CLMP: variants seen among roughly 807,000 people sequenced by gnomAD.
The protein encoded by CLMP is CXADR like cell adhesion molecule.
CLMP carries 27 observed loss-of-function variants against 45.2 expected under a neutral mutation model. The ratio of observed to expected loss-of-function variants is 0.60; its 90% confidence interval spans 0.44 to 0.82. The LOEUF is 0.82. Ranked by LOEUF, CLMP falls within the 40% of genes least tolerant of loss-of-function variation. The pLI is 0.00. For synonymous variants in CLMP, 167 were observed against 171.4 expected (o/e 0.97, Z 0.20); for missense variants, 403 against 448.4 (o/e 0.90, Z 0.91).
intron 1 of CLMP, among the ~76,000 whole-genome samples, chr11:123,180,750 C>T (rs1861757936): frequency 1.3e-5 from 2 of 152,030 alleles, no homozygotes; most frequent in Non-Finnish European, 2.9e-5. Context: ...TGCACTGAAA[C>T]CTGAAAGGCA....
intron 1 of CLMP, among the ~76,000 whole-genome samples, chr11:123,162,541 G>A (rs1861499306): frequency 6.6e-6 from 1 of 152,294 alleles, no homozygotes; most frequent in African/African-American, 2.4e-5. Flanking sequence ...GACACCGTCA[G>A]AGGTGCTATG....
chr11:123,192,182 G>A (rs887440389), intron 1 of CLMP, among the ~76,000 whole-genome samples: 3 of 152,280 alleles, frequency 2.0e-5, no homozygotes, highest in Admixed American at 1.3e-4. Context: ...GTTCCCTACC[G>A]AGTATCTGGG....
intron 2 of CLMP, among the ~76,000 whole-genome samples, chr11:123,089,188 G>T (rs1022415338): frequency 6.6e-6 from 1 of 150,724 alleles, no homozygotes; most frequent in Admixed American, 6.6e-5. Context: ...AGTTCCAGAC[G>T]AGCTTGGCCA....
intron 2 of CLMP, among the ~76,000 whole-genome samples, chr11:123,095,570 A>T (rs748777087): frequency 1.3e-5 from 2 of 152,146 alleles, no homozygotes; most frequent in Non-Finnish European, 2.9e-5. Context: ...GCACCTGGCC[A>T]AAACTTGTTA....
chr11:123,101,649 A>G (rs754730576), intron 1 of CLMP, among the ~76,000 whole-genome samples: 6 of 152,352 alleles, frequency 3.9e-5, no homozygotes, highest in African/African-American at 9.6e-5. Flanking sequence ...TGGGAAAATT[A>G]TAACAGTAAG....
intron 2 of CLMP, among the ~76,000 whole-genome samples, chr11:123,089,663 G>C (rs1865904371): frequency 6.6e-6 from 1 of 151,630 alleles, no homozygotes; most frequent in Middle Eastern, 3.2e-3. Context: ...CGTAGTTCCA[G>C]CTACTCGGGA....
At chr11:123,117,786 A>G (rs1307773980) in intron 1 of CLMP, among the ~76,000 whole-genome samples, 1 of 152,232 alleles carries the variant, frequency 6.6e-6, no homozygotes, top group African/African-American at 2.4e-5. Flanking sequence ...CACCCTGATA[A>G]TAAATTTTCC....
intron 1 of CLMP, among the ~76,000 whole-genome samples, chr11:123,100,957 G>C: frequency 6.6e-6 from 1 of 151,642 alleles, no homozygotes; most frequent in East Asian, 1.9e-4. Context: ...GCCTGCCCCC[G>C]ACCTCTCTGT....
At chr11:123,180,578 C>T (rs1184550570) in intron 1 of CLMP, among the ~76,000 whole-genome samples, 1 of 134,546 alleles carries the variant, frequency 7.4e-6, no homozygotes, top group Non-Finnish European at 1.6e-5. Context: ...CCTGAACAGA[C>T]AAAAACAGAA....
intron 2 of CLMP, among the ~76,000 whole-genome samples, chr11:123,088,855 C>T (rs1389891227): frequency 6.6e-6 from 1 of 152,088 alleles, no homozygotes; most frequent in African/African-American, 2.4e-5. Flanking sequence ...AACTCCTGAC[C>T]TCAGGTGATC....
intron 1 of CLMP, among the ~76,000 whole-genome samples, chr11:123,167,649 C>T (rs1473636835): frequency 6.6e-6 from 1 of 152,172 alleles, no homozygotes; most frequent in African/African-American, 2.4e-5. Flanking sequence ...CTGCAGCCTC[C>T]GTTCCATGCT....
intron 1 of CLMP, among the ~76,000 whole-genome samples, chr11:123,130,042 ACT>A (rs1398556668): frequency 6.6e-5 from 10 of 152,128 alleles, no homozygotes; most frequent in Admixed American, 3.3e-4. Flanking sequence ...CACAGAGAAG[ACT>A]CTGCCCACAC....
At chr11:123,129,353 C>A (rs1411734811) in intron 1 of CLMP, among the ~76,000 whole-genome samples, 1 of 122,822 alleles carries the variant, frequency 8.1e-6, no homozygotes, top group African/African-American at 3.2e-5. Context: ...TAAAATATAT[C>A]ATATGATATA....
At chr11:123,125,580 C>G (rs1860881341) in intron 1 of CLMP, among the ~76,000 whole-genome samples, 1 of 134,398 alleles carries the variant, frequency 7.4e-6, no homozygotes, top group South Asian at 2.5e-4. Flanking sequence ...TCCCTCCCTC[C>G]CTCCTTTCTT....
At chr11:123,087,103 C>T (rs1450408276) in intron 2 of CLMP, among the ~76,000 whole-genome samples, 1 of 152,000 alleles carries the variant, frequency 6.6e-6, no homozygotes, top group Admixed American at 6.6e-5. Context: ...TTTGGGAGGC[C>T]GAGGTGGGCA....
rs537453872 is a variant in CLMP at position 123,073,466 on chromosome 11, A to C, written c.*8T>G. 3.1e-6 allele frequency: 5 copies of C among 1,601,210 alleles called. No homozygotes were observed. In the South Asian group the frequency reaches 5.6e-5, roughly 18 times the overall value. On this transcript the variant is annotated 3_prime_UTR_variant, in exon 7 of 7. Coordinates refer to ENST00000448775, the MANE Select transcript of CLMP (RefSeq NM_024769.5). The stretch of plus-strand genomic sequence containing the variant: ...CTAGGAAAGCGTGGGAGTCAAGTCC[A>C]TTGTAATTCAGACCGTTTGGAAGGC...
chr11:123,183,357 A>T (rs972056627), intron 1 of CLMP, among the ~76,000 whole-genome samples: 9 of 151,978 alleles, frequency 5.9e-5, no homozygotes, highest in African/African-American at 2.2e-4. Flanking sequence ...CAGCCTCCTG[A>T]GTAGCTGGGA....
rs1865690382 is a variant in CLMP at position 123,072,948 on chromosome 11, T to C, written c.*526A>G. 6.5e-6 allele frequency: 1 copy of C among 152,680 alleles called. No individual in the cohort carries two copies. The highest frequency in any genetic ancestry group is 2.1e-4 in the South Asian group (1 of 4,850). 9.5% of individuals were successfully genotyped at this position (152,680 alleles called of 1,614,324 possible). A position where few individuals can be genotyped will look rare whatever the true frequency, so the allele number is the denominator to read the frequency against. On this transcript the variant is annotated 3_prime_UTR_variant, in exon 7 of 7. Coordinates refer to ENST00000448775, the MANE Select transcript of CLMP (RefSeq NM_024769.5). ...AAGTTAAGTCAGAATAGAAGACACA[T>C]GTTTCCTTTTTTGGAGTTTCTTAGA... is the stretch of plus-strand genomic sequence containing the variant.
chr11:123,128,464 C>T (rs1591469385), intron 1 of CLMP, among the ~76,000 whole-genome samples: 1 of 152,168 alleles, frequency 6.6e-6, no homozygotes, highest in African/African-American at 2.4e-5. Flanking sequence ...GAGTTTGAGA[C>T]CAGCCTGAGC....
Sources: gnomAD v4.1 joint callset for allele counts (sites outside exome capture counted in the v4.1 genomes callset) on GRCh38, gnomAD v4.1.1 for gene constraint, MANE v1.5 for transcripts, NCBI Gene and HGNC (gene_info 2026-07-23, HGNC 2026-07-21) for gene names.